EHD4: variants seen among roughly 807,000 people sequenced by gnomAD.
EHD4 encodes EH domain containing 4, also known as EH domain-containing protein 4.
A neutral mutation model predicts 51.0 loss-of-function variants in EHD4; 37 were observed. The observed-to-expected ratio is 0.73, with a 90% CI of 0.56 to 0.95. The LOEUF (loss-of-function observed/expected upper bound fraction) is 0.95, where lower values mean the gene tolerates loss of function less well. Ranked by LOEUF, EHD4 falls within the 40% of genes least tolerant of loss-of-function variation. The pLI is 0.00. For synonymous variants in EHD4, 297 were observed against 317.3 expected (o/e 0.94, Z 0.68); for missense variants, 632 against 733.1 (o/e 0.86, Z 1.59).
chr15:41,918,927 T>G (rs1481420565), intron 4 of EHD4, among the ~76,000 whole-genome samples: 1 of 152,242 alleles, frequency 6.6e-6, no homozygotes, highest in Non-Finnish European at 1.5e-5. Context: ...CTATGCCAAG[T>G]GCTCTGTCAC....
intron 1 of EHD4, among the ~76,000 whole-genome samples, chr15:41,960,068 A>C (rs2067915167): frequency 6.6e-6 from 1 of 152,218 alleles, no homozygotes; most frequent in Admixed American, 6.5e-5. Context: ...AAAGTCTTAC[A>C]AGATAGGCCA....
In EHD4 at chr15:41,957,887, G is replaced by C. The variant is rs531726026; in HGVS notation, c.237-3947C>G. On this transcript the variant is annotated intron_variant, in intron 1 of 5. Transcript: ENST00000220325. Reference sequence around the variant, plus strand: ...ACCAAGACACCAAGTATCTGACATGGAAAAAGGGAGAATGAAGTGATGGAT... The same window carrying C: ...ACCAAGACACCAAGTATCTGACATGCAAAAAGGGAGAATGAAGTGATGGAT... Among the ~76,000 whole-genome samples the C allele has an allele frequency of 3.3e-5, 5 of 152,206 alleles. No individual in the cohort carries two copies. In the East Asian group the frequency reaches 5.8e-4, roughly 18 times the overall value.
chr15:41,907,492 A>T (rs2067520142), intron 5 of EHD4, among the ~76,000 whole-genome samples: 1 of 152,206 alleles, frequency 6.6e-6, no homozygotes, highest in South Asian at 2.1e-4. Flanking sequence ...CACTGCTGGA[A>T]GAAAAGAGAC....
intron 1 of EHD4, among the ~76,000 whole-genome samples, chr15:41,955,760 CTG>C (rs2067883469): frequency 6.6e-6 from 1 of 152,232 alleles, no homozygotes; most frequent in Non-Finnish European, 1.5e-5. Flanking sequence ...GATGCCCACT[CTG>C]TGAAACTCCA....
chr15:41,917,187 C>G (rs1389208567), intron 4 of EHD4, among the ~76,000 whole-genome samples: 1 of 152,106 alleles, frequency 6.6e-6, no homozygotes, highest in Non-Finnish European at 1.5e-5. Flanking sequence ...GTGGCACGAT[C>G]TTGGCTCACT....
At chr15:41,929,042 G>C (rs1183542995) in intron 3 of EHD4, among the ~76,000 whole-genome samples, 1 of 152,162 alleles carries the variant, frequency 6.6e-6, no homozygotes, top group Non-Finnish European at 1.5e-5. Flanking sequence ...CCACCTCTTG[G>C]AGAATGTAAC....
chr15:41,919,250 C>T lies in EHD4; in HGVS notation c.884G>A (p.Arg295His), dbSNP rs1002148237. 11 of 1,613,948 alleles carry T rather than the reference C, an allele frequency of 6.8e-6. No homozygotes were observed. The highest frequency in any genetic ancestry group is 1.3e-5 in the African/African-American group (1 of 74,944). ...IQSLPQKAAV[R>H]KLNDLIKRAR... ...TCGCTTGATGAGGTCGTTGAGCTTG[C>T]GCACCGCTGCCTTCTGGGGGAGGCT... Residue 295 changes from arginine to histidine, a missense_variant, in exon 4 of 6, where the codon CGC (arginine) becomes CAC (histidine). Physicochemically the swap from Arg to His is conservative, Grantham distance 29 (BLOSUM62 0). Coordinates refer to ENST00000220325, the MANE Select transcript of EHD4 (RefSeq NM_139265.4).
chr15:41,967,453 G>A (rs556048198), intron 1 of EHD4, among the ~76,000 whole-genome samples: 1 of 152,262 alleles, frequency 6.6e-6, no homozygotes, highest in East Asian at 1.9e-4. Context: ...CTGTAGGTGT[G>A]ATCTTATATT....
At chr15:41,920,351 T>C (rs2067616495) in intron 3 of EHD4, among the ~76,000 whole-genome samples, 1 of 152,216 alleles carries the variant, frequency 6.6e-6, no homozygotes. Context: ...TGCAGCTGCA[T>C]AAACACTCTT....
chr15:41,903,449 TACATACAC>T (rs2067491927), intron 5 of EHD4, among the ~76,000 whole-genome samples: 2 of 102,400 alleles, frequency 2.0e-5, no homozygotes, highest in African/African-American at 8.9e-5. Flanking sequence ...GCCATTAACA[TACATACAC>T]ACACACACAC....
chr15:41,962,409 T>A (rs1232283424), intron 1 of EHD4, among the ~76,000 whole-genome samples: 1 of 151,962 alleles, frequency 6.6e-6, no homozygotes, highest in Non-Finnish European at 1.5e-5. Context: ...GCATAAGAAT[T>A]TACAAACAGA....
chr15:41,966,824 G>A (rs2067964482), intron 1 of EHD4, among the ~76,000 whole-genome samples: 1 of 152,218 alleles, frequency 6.6e-6, no homozygotes, highest in South Asian at 2.1e-4. Context: ...ATCTGAGACA[G>A]CACTGAGCCA....
intron 3 of EHD4, among the ~76,000 whole-genome samples, chr15:41,938,557 G>A (rs995005195): frequency 2.0e-5 from 3 of 152,172 alleles, no homozygotes; most frequent in African/African-American, 2.4e-5. Flanking sequence ...ATTAAGAGGC[G>A]AGAGCTTAAA....
At chr15:41,943,241 T>G (rs2067788726) in intron 2 of EHD4, 77 bp from the exon 3 acceptor site, 2 of 1,163,212 alleles carry the variant, frequency 1.7e-6, no homozygotes, top group Non-Finnish European at 2.5e-6. Flanking sequence ...TCTTGGCCTC[T>G]CTGGGCTTAC....
chr15:41,955,398 G>C (rs1212382566), intron 1 of EHD4, among the ~76,000 whole-genome samples: 1 of 152,074 alleles, frequency 6.6e-6, no homozygotes, highest in East Asian at 1.9e-4. Context: ...TTTGCTCAGG[G>C]GTGAAGAGCA....
At chr15:41,948,846 T>C (rs973240030) in intron 2 of EHD4, among the ~76,000 whole-genome samples, 3 of 151,442 alleles carry the variant, frequency 2.0e-5, no homozygotes, top group Non-Finnish European at 2.9e-5. Context: ...CTGGCCAATA[T>C]GGCAAAACCC....
intron 1 of EHD4, among the ~76,000 whole-genome samples, chr15:41,963,392 T>C (rs530584042): frequency 1.3e-5 from 2 of 150,346 alleles, no homozygotes; most frequent in Non-Finnish European, 3.0e-5. Flanking sequence ...TGAGGTCAGG[T>C]GTTCGAGACC....
intron 4 of EHD4, among the ~76,000 whole-genome samples, chr15:41,912,064 C>T (rs2067553789): frequency 6.6e-6 from 1 of 152,192 alleles, no homozygotes. Flanking sequence ...CACCTGATCC[C>T]TCGTCTCAGG....
chr15:41,937,160 C>T (rs1341679612), intron 3 of EHD4, among the ~76,000 whole-genome samples: 1 of 152,250 alleles, frequency 6.6e-6, no homozygotes, highest in African/African-American at 2.4e-5. Flanking sequence ...TCCCATACCT[C>T]CTACCCCTCA....
Sources: gnomAD v4.1 joint callset for allele counts (sites outside exome capture counted in the v4.1 genomes callset) on GRCh38, gnomAD v4.1.1 for gene constraint, MANE v1.5 for transcripts, NCBI Gene and HGNC (gene_info 2026-07-23, HGNC 2026-07-21) for gene names.